DNAH6: variants seen among roughly 807,000 people sequenced by gnomAD.
DNAH6 encodes dynein axonemal heavy chain 6.
Under a neutral mutation model 491.4 loss-of-function variants are expected in DNAH6, and 340 were observed. The observed-to-expected ratio is 0.69, with a 90% CI of 0.63 to 0.76. DNAH6 has a LOEUF of 0.76. DNAH6 is among the 30% of genes least tolerant of loss of function. DNAH6 has a pLI of 0.00. For missense variants in DNAH6, 4,443 were observed against 4,972.2 expected, an observed-to-expected ratio of 0.89 and a Z score of 3.20; for synonymous variants, 1,603 against 1,686.1, an observed-to-expected ratio of 0.95 and a Z score of 1.21.
chr2:84,572,650 C>T (rs1266521651), intron 11 of DNAH6, among the ~76,000 whole-genome samples: 1 of 152,284 alleles, frequency 6.6e-6, no homozygotes, highest in African/African-American at 2.4e-5. Flanking sequence ...TACCACAAGG[C>T]ATAACTGAGT....
chr2:84,621,182 A>G lies in DNAH6; in HGVS notation c.3793-9A>G, dbSNP rs772364253. 1.1e-4 allele frequency: 175 copies of G among 1,551,208 alleles called. No individual in the cohort carries two copies. The highest frequency in any genetic ancestry group is 1.4e-4 in the Non-Finnish European group (158 of 1,146,816). ...AAGCCACTTTATCAATGCTCTGATTACCTTTTAGGTTAGCTTGGGGAAAGG... is the reference window on the plus strand; with the variant it reads ...AAGCCACTTTATCAATGCTCTGATTGCCTTTTAGGTTAGCTTGGGGAAAGG... On this transcript the variant is annotated splice_polypyrimidine_tract_variant and intron_variant, in intron 24 of 76. Coordinates refer to ENST00000389394, the MANE Select transcript of DNAH6 (RefSeq NM_001370.2).
At chr2:84,536,390 G>A (rs944210849) in intron 4 of DNAH6, among the ~76,000 whole-genome samples, 2 of 152,008 alleles carry the variant, frequency 1.3e-5, no homozygotes, top group South Asian at 2.1e-4. Context: ...ATTAGGAATC[G>A]ACAGCAAAAA....
intron 37 of DNAH6, among the ~76,000 whole-genome samples, chr2:84,665,587 C>G (rs112845632): frequency 0.069 from 10,561 of 152,104 alleles, 1,220 homozygotes; most frequent in African/African-American, 0.24. Context: ...AAAACAGGCT[C>G]TGAAATTGAG....
intron 13 of DNAH6, 90 bp downstream of exon 13, chr2:84,577,498 G>A (rs1313555756): frequency 5.5e-6 from 5 of 906,976 alleles, no homozygotes; most frequent in Non-Finnish European, 6.2e-6. Context: ...TTATTTTATA[G>A]TATTGCAAAT....
chr2:84,598,560 A>G (rs1465621941), intron 18 of DNAH6, among the ~76,000 whole-genome samples: 1 of 152,180 alleles, frequency 6.6e-6, no homozygotes, highest in Non-Finnish European at 1.5e-5. Flanking sequence ...CATACGTTTA[A>G]CTTTATAAGA....
chr2:84,676,264 GT>G (rs747937332), intron 40 of DNAH6, among the ~76,000 whole-genome samples: 3 of 152,198 alleles, frequency 2.0e-5, no homozygotes, highest in Non-Finnish European at 2.9e-5. Flanking sequence ...CTCCCATGCT[GT>G]AAACAACTGC....
chr2:84,653,739 A>G lies in DNAH6; in HGVS notation c.5499A>G (p.Lys1833=), dbSNP rs1435501919. ...TGAATGATACTTCAGAAGACCATAA[A>G]TGGATCATCAGTGATGGGCCAGTAG... The part of the protein sequence containing the change: ...AAVNDTSEDH[K]WIISDGPVDA... Residue 1833 remains lysine (K), a synonymous_variant, in exon 34 of 77, where the codon AAA becomes AAG. Coordinates refer to ENST00000389394, the MANE Select transcript of DNAH6 (RefSeq NM_001370.2). The G allele has an allele frequency of 3.2e-6, 5 of 1,551,254 alleles. No individual in the cohort carries two copies. In the Admixed American group the frequency reaches 5.9e-5, roughly 18 times the overall value.
intron 22 of DNAH6, 35 bp from the exon 23 acceptor site, chr2:84,616,851 C>G: frequency 8.5e-7 from 1 of 1,183,282 alleles, no homozygotes; most frequent in African/African-American, 1.6e-5. Context: ...GATTTTAACA[C>G]AGTTTTACCA....
intron 5 of DNAH6, among the ~76,000 whole-genome samples, chr2:84,545,816 A>G (rs1456273284): frequency 1.3e-5 from 2 of 152,242 alleles, no homozygotes; most frequent in East Asian, 1.9e-4. Context: ...GAAGGGAGAC[A>G]TACGAGTTGT....
intron 4 of DNAH6, among the ~76,000 whole-genome samples, chr2:84,532,248 AC>A (rs1159206715): frequency 6.6e-6 from 1 of 152,144 alleles, no homozygotes; most frequent in African/African-American, 2.4e-5. Context: ...GATGTTTTAT[AC>A]TTTTTTGGAC....
At chr2:84,753,303 A>G (rs994715322) in intron 63 of DNAH6, among the ~76,000 whole-genome samples, 1 of 152,152 alleles carries the variant, frequency 6.6e-6, no homozygotes, top group African/African-American at 2.4e-5. Flanking sequence ...ATGATTTGCA[A>G]GAATGTTCTC....
At chr2:84,567,558 T>C (rs1192577734) in intron 11 of DNAH6, among the ~76,000 whole-genome samples, 2 of 152,200 alleles carry the variant, frequency 1.3e-5, no homozygotes, top group Non-Finnish European at 2.9e-5. Context: ...AAGGATTCCC[T>C]ATTTAATAAA....
chr2:84,579,429 G>A lies in DNAH6; in HGVS notation c.2077-98G>A, dbSNP rs6547569. 0.95 allele frequency: 1,270,498 copies of A among 1,332,182 alleles called. 606,090 individuals carry two copies. The highest frequency in any genetic ancestry group is 1 in the East Asian group (42,054 of 42,102). 82.5% of individuals were successfully genotyped at this position (1,332,182 alleles called of 1,614,324 possible). A position where few individuals can be genotyped will look rare whatever the true frequency, so the allele number is the denominator to read the frequency against. ...CTTCGTATTCACTGCTGCTTCCAATGCCTGCTGATTTAACAAATCCAATTA... is the reference window on the plus strand; with the variant it reads ...CTTCGTATTCACTGCTGCTTCCAATACCTGCTGATTTAACAAATCCAATTA... On this transcript the variant is annotated intron_variant, in intron 13 of 76. Coordinates refer to ENST00000389394, the MANE Select transcript of DNAH6 (RefSeq NM_001370.2).
Position 84,550,061 on chromosome 2 carries a change from T to C in DNAH6, c.1485+4T>C. 1 of 1,606,916 alleles carries C rather than the reference T, an allele frequency of 6.2e-7. No individual in the cohort carries two copies. The highest frequency in any genetic ancestry group is 8.5e-7 in the Non-Finnish European group (1 of 1,175,080). On this transcript the variant is annotated splice_donor_region_variant and intron_variant, in intron 9 of 76. Transcript: ENST00000389394. ...GCCTGAAGTCCCTGATAAAAAGGTA[T>C]ACTCACACAAAATTAAGAATATTTT...
chr2:84,577,317 C>T lies in DNAH6; in HGVS notation c.1985C>T (p.Ala662Val), dbSNP rs200384069. The change falls in exon 13 of 77, where the codon GCG becomes GTG. Residue 662 changes from alanine (A) to valine (V), a missense_variant. Transcript: ENST00000389394. Reference protein sequence around the residue: ...KYHKQHKDAVALRPTRNVGLL... With the variant: ...KYHKQHKDAVVLRPTRNVGLL... ...CACAAACAGCACAAGGACGCAGTAG[C>T]GCTCAGACCCACCAGAAATGTAGGA... 1.8e-5 allele frequency: 29 copies of T among 1,610,878 alleles called. No individual in the cohort carries two copies. The highest frequency in any genetic ancestry group is 6.7e-5 in the South Asian group (6 of 90,170).
At chr2:84,515,890 C>T (rs1558651417), upstream of DNAH6, among the ~76,000 whole-genome samples, 1 of 152,198 alleles carries the variant, frequency 6.6e-6, no homozygotes, top group Admixed American at 6.5e-5. Context: ...GTAATACGGG[C>T]TCATCCTATG....
At chr2:84,463,445 A>G in the DNAH6 span, among the ~76,000 whole-genome samples, 1 of 152,232 alleles carries the variant, frequency 6.6e-6, no homozygotes, top group Non-Finnish European at 1.5e-5. Flanking sequence ...AAAAGGTACA[A>G]TAAGTATTAA....
intron 70 of DNAH6, 151 bp from the exon 71 acceptor site, chr2:84,805,514 T>G: frequency 9.5e-6 from 6 of 631,716 alleles, no homozygotes; most frequent in East Asian, 6.8e-5. Flanking sequence ...GTAGATCTCA[T>G]GTTAATTGTT....
chr2:84,791,474 G>A (rs2105264700), intron 68 of DNAH6, among the ~76,000 whole-genome samples: 1 of 151,874 alleles, frequency 6.6e-6, no homozygotes, highest in East Asian at 1.9e-4. Context: ...TTCCAGACGA[G>A]TCAAGCCTAT....
Sources: gnomAD v4.1 joint callset for allele counts (sites outside exome capture counted in the v4.1 genomes callset) on GRCh38, gnomAD v4.1.1 for gene constraint, MANE v1.5 for transcripts, NCBI Gene and HGNC (gene_info 2026-07-23, HGNC 2026-07-21) for gene names.